The following PAPPA2 variants were observed in gnomAD, a reference collection of about 807,000 sequenced individuals.
PAPPA2 encodes pappalysin-2.
A neutral mutation model predicts 176.4 loss-of-function variants in PAPPA2; 86 were observed. The ratio of observed to expected loss-of-function variants is 0.49; its 90% confidence interval spans 0.41 to 0.58. The LOEUF is 0.58. PAPPA2 is among the 20% of genes least tolerant of loss of function. PAPPA2 has a pLI of 0.00. For missense variants in PAPPA2, 2,073 were observed against 2,256.9 expected (o/e 0.92, Z 1.65); for synonymous variants, 809 against 852.2 (o/e 0.95, Z 0.88).
chr1:176,522,180 T>C (rs1004111877), intron 1 of PAPPA2, among the ~76,000 whole-genome samples: 1 of 152,226 alleles, frequency 6.6e-6, no homozygotes, highest in African/African-American at 2.4e-5. Flanking sequence ...CAATTTCTAC[T>C]CATAAAAGCA....
intron 7 of PAPPA2, among the ~76,000 whole-genome samples, chr1:176,696,424 A>G (rs997179289): frequency 1.3e-5 from 2 of 152,172 alleles, no homozygotes; most frequent in African/African-American, 2.4e-5. Flanking sequence ...TTATGAGTCT[A>G]TTAATCACTG....
rs567691486 is a variant in PAPPA2, at chr1:176,601,482, G to A, written c.1991+5887G>A. On this transcript the variant is annotated intron_variant, in intron 3 of 22. Transcript: ENST00000367662. ...GCATCAAACATCTGCAACCCAGATG[G>A]GCCTATCAAAGGGAGAGTACTTATC... Among the ~76,000 whole-genome samples the A allele has an allele frequency of 7.2e-5, 11 of 152,190 alleles. No individual in the cohort carries two copies. In the East Asian group the frequency reaches 1.9e-3, roughly 27 times the overall value.
At chr1:176,697,445 A>G (rs1660437822) in intron 7 of PAPPA2, among the ~76,000 whole-genome samples, 1 of 152,230 alleles carries the variant, frequency 6.6e-6, no homozygotes, top group Admixed American at 6.5e-5. Context: ...AATAAGAAAT[A>G]CTAGTCTTTG....
chr1:176,507,587 G>A (rs1648348865), intron 1 of PAPPA2, among the ~76,000 whole-genome samples: 1 of 152,140 alleles, frequency 6.6e-6, no homozygotes, highest in African/African-American at 2.4e-5. Flanking sequence ...TATACATCAT[G>A]GAATACTACA....
intron 1 of PAPPA2, among the ~76,000 whole-genome samples, chr1:176,542,936 T>C (rs1650438276): frequency 6.6e-6 from 1 of 152,204 alleles, no homozygotes; most frequent in Admixed American, 6.5e-5. Context: ...TTTAAAATCT[T>C]GTAGGCTCTA....
chr1:176,487,346 C>T (rs1432823233), intron 1 of PAPPA2, among the ~76,000 whole-genome samples: 2 of 152,106 alleles, frequency 1.3e-5, no homozygotes, highest in African/African-American at 2.4e-5. Flanking sequence ...ACATCTTCCC[C>T]AGAGCCTACC....
intron 21 of PAPPA2, among the ~76,000 whole-genome samples, chr1:176,828,667 A>G (rs1405101265): frequency 6.6e-6 from 1 of 152,134 alleles, no homozygotes; most frequent in African/African-American, 2.4e-5. Flanking sequence ...CATGCATTGC[A>G]TAGATATGAA....
intron 3 of PAPPA2, among the ~76,000 whole-genome samples, chr1:176,660,349 T>C (rs1373992807): frequency 2.6e-5 from 4 of 151,328 alleles, no homozygotes; most frequent in Admixed American, 6.6e-5. Flanking sequence ...TGTGTGTGTG[T>C]GTGTGTGTGT....
intron 3 of PAPPA2, among the ~76,000 whole-genome samples, chr1:176,598,873 ACTGTGT>A (rs1225582004): frequency 7.9e-5 from 12 of 152,218 alleles, no homozygotes; most frequent in African/African-American, 2.9e-4. Flanking sequence ...GGTTAGAGCT[ACTGTGT>A]CCTGAATTAC....
At chr1:176,800,946 G>A (rs1198899246) in intron 21 of PAPPA2, among the ~76,000 whole-genome samples, 2 of 152,084 alleles carry the variant, frequency 1.3e-5, no homozygotes, top group Non-Finnish European at 2.9e-5. Context: ...AGGCTGCTGT[G>A]ATTTCTTTAG....
chr1:176,469,868 T>A (rs998972787), intron 1 of PAPPA2, among the ~76,000 whole-genome samples: 1 of 152,174 alleles, frequency 6.6e-6, no homozygotes, highest in Non-Finnish European at 1.5e-5. Context: ...CTGAGCTCTT[T>A]GCTCACTCTA....
chr1:176,583,424 T>C (rs115895494), intron 2 of PAPPA2, among the ~76,000 whole-genome samples: 282 of 152,274 alleles, frequency 1.9e-3, no homozygotes, highest in African/African-American at 6.5e-3. Flanking sequence ...TGTGTTTCTA[T>C]TTTCATTTTT....
At chr1:176,743,473 T>G (rs1266736198) in intron 14 of PAPPA2, among the ~76,000 whole-genome samples, 1 of 152,184 alleles carries the variant, frequency 6.6e-6, no homozygotes, top group Non-Finnish European at 1.5e-5. Flanking sequence ...AAGAGCTTAA[T>G]TCATTCTTAC....
intron 15 of PAPPA2, among the ~76,000 whole-genome samples, chr1:176,767,531 A>G (rs1268047781): frequency 6.6e-6 from 1 of 152,138 alleles, no homozygotes; most frequent in Admixed American, 6.5e-5. Context: ...TATTTTTAGT[A>G]GAGACGGGGT....
In PAPPA2 at chr1:176,553,372, G is replaced by A. The variant is rs1651079698; in HGVS notation, c.-916-2035G>A. On this transcript the variant is annotated intron_variant, in intron 1 of 22. Coordinates refer to ENST00000367662, the MANE Select transcript of PAPPA2 (RefSeq NM_020318.3). ...TTCTCCGTGGGGTGGTGTGTTGCGG[G>A]TATGGGGCTGTTGAGGGGTGGGATG... is the stretch of plus-strand genomic sequence containing the variant. 6 of 151,518 alleles carry A rather than the reference G, an allele frequency of 4.0e-5. 1 individual carries two copies. The highest frequency in any genetic ancestry group is 1.5e-4 in the African/African-American group (6 of 41,194). 9.4% of individuals were successfully genotyped at this position (151,518 alleles called of 1,614,324 possible). A position where few individuals can be genotyped will look rare whatever the true frequency, so the allele number is the denominator to read the frequency against.
At chr1:176,513,064 A>G (rs1648707270) in intron 1 of PAPPA2, among the ~76,000 whole-genome samples, 1 of 152,148 alleles carries the variant, frequency 6.6e-6, no homozygotes, top group Non-Finnish European at 1.5e-5. Context: ...AGGCCTTCAG[A>G]CTTGAACTGG....
chr1:176,787,341 C>A (rs1045936222), intron 17 of PAPPA2, among the ~76,000 whole-genome samples: 29 of 151,782 alleles, frequency 1.9e-4, no homozygotes, highest in African/African-American at 6.5e-4. Context: ...CTCAAGCCAT[C>A]CTCCCACCTC....
intron 21 of PAPPA2, among the ~76,000 whole-genome samples, chr1:176,821,087 T>C (rs1363738379): frequency 1.3e-5 from 2 of 152,184 alleles, no homozygotes; most frequent in Non-Finnish European, 2.9e-5. Context: ...ACTTACACCA[T>C]GGTTACAAAA....
intron 2 of PAPPA2, among the ~76,000 whole-genome samples, chr1:176,580,347 T>C (rs1296750195): frequency 6.6e-6 from 1 of 152,262 alleles, no homozygotes; most frequent in Non-Finnish European, 1.5e-5. Flanking sequence ...ATTTCATTCT[T>C]TTTTATGGCT....
Sources: gnomAD v4.1 joint callset for allele counts (sites outside exome capture counted in the v4.1 genomes callset) on GRCh38, gnomAD v4.1.1 for gene constraint, MANE v1.5 for transcripts, NCBI Gene and HGNC (gene_info 2026-07-23, HGNC 2026-07-21) for gene names.